SYNE2: variants seen among roughly 807,000 people sequenced by gnomAD.
The protein encoded by SYNE2 is spectrin repeat containing nuclear envelope protein 2.
A neutral mutation model predicts 856.3 loss-of-function variants in SYNE2; 431 were observed. The observed-to-expected ratio is 0.50, with a 90% CI of 0.47 to 0.55. The LOEUF is 0.55. SYNE2 is among the 20% of genes least tolerant of loss of function. SYNE2 has a pLI of 0.00. For synonymous variants in SYNE2, 2,923 were observed against 2,872.3 expected (o/e 1.02, Z -0.56); for missense variants, 8,129 against 8,023.2 (o/e 1.01, Z -0.50).
chr14:63,885,337 C>G (rs912681225), intron 1 of SYNE2, among the ~76,000 whole-genome samples: 4 of 151,852 alleles, frequency 2.6e-5, no homozygotes, highest in Non-Finnish European at 4.4e-5. Context: ...CACTGTCTCT[C>G]TGTGAAGTTG....
chr14:64,128,568 A>G lies in SYNE2; in HGVS notation c.14019+15A>G, dbSNP rs758194148. 4 of 1,507,990 alleles carry G rather than the reference A, an allele frequency of 2.7e-6. No individual in the cohort carries two copies. The South Asian group carries it at 4.5e-5, about 17-fold the overall frequency. 93.4% of individuals were successfully genotyped at this position (1,507,990 alleles called of 1,614,324 possible). ...AACAGCTTCAGGTAATCAAGTCAAA[A>G]TAATTCAGACTGACTTAACTTTGAA... On this transcript the variant is annotated intron_variant, in intron 74 of 115. Transcript: ENST00000555002.
At chr14:63,795,473 T>G (rs1042607158) in intron 1 of SYNE2, among the ~76,000 whole-genome samples, 2 of 151,918 alleles carry the variant, frequency 1.3e-5, no homozygotes. Flanking sequence ...GTCGTGTGAG[T>G]TAATACTTAA....
chr14:63,790,931 G>A (rs1276051026), intron 1 of SYNE2, among the ~76,000 whole-genome samples: 1 of 151,730 alleles, frequency 6.6e-6, no homozygotes, highest in Non-Finnish European at 1.5e-5. Context: ...AACTACCCCT[G>A]ATTCCTATGT....
chr14:63,892,762 G>T (rs1412577020), intron 1 of SYNE2, among the ~76,000 whole-genome samples: 1 of 147,804 alleles, frequency 6.8e-6, no homozygotes, highest in Non-Finnish European at 1.5e-5. Context: ...AGAGACAGGG[G>T]TCTCACTATG....
chr14:64,101,626 G>C (rs1422819549), intron 63 of SYNE2, among the ~76,000 whole-genome samples: 1 of 151,964 alleles, frequency 6.6e-6, no homozygotes, highest in African/African-American at 2.4e-5. Context: ...ACCATTTAAG[G>C]TTACATTTAC....
chr14:64,098,810 G>A lies in SYNE2; in HGVS notation c.12370G>A (p.Val4124Met), dbSNP rs370255444. ...CGAGGAAGAGGTGGAAGAAAGTTCC[G>A]TGAAGAGCGATGTAAGGGAAATGAT... The part of the protein sequence containing the change: ...AVEEEVEESS[V>M]KSDNGDEKAE... Residue 4124 changes from valine to methionine, a missense_variant, in exon 63 of 116, where the codon GTG becomes ATG. By Grantham distance (21) the Val-to-Met change is conservative. Around this residue, in one of 3 missense-constraint regions of SYNE2, gnomAD observed 5,410 missense variants for 5,284.8 expected, o/e 1.02. Transcript: ENST00000555002. 38 of 1,613,964 alleles carry A rather than the reference G, an allele frequency of 2.4e-5. No homozygotes were observed. The highest frequency in any genetic ancestry group is 1.0e-4 in the Admixed American group (6 of 59,998).
At position 64,088,211 on chromosome 14, in the gene SYNE2, C is replaced by A. The variant is rs138550231; in HGVS notation, c.11670+355C>A. Among the ~76,000 whole-genome samples the A allele has an allele frequency of 2.7e-4, 41 of 152,272 alleles. No individual in the cohort carries two copies. In the East Asian group the frequency reaches 7.1e-3, roughly 26 times the overall value. ...AATTAGAGTTATACTACTAACCAAG[C>A]ACTATACAACTAATCAATGTGAAGG... On this transcript the variant is annotated intron_variant, in intron 58 of 115. Transcript: ENST00000555002.
intron 100 of SYNE2, among the ~76,000 whole-genome samples, chr14:64,206,520 A>AT (rs2098606093): frequency 6.7e-6 from 1 of 149,584 alleles, no homozygotes; most frequent in African/African-American, 2.4e-5. Context: ...GTTTTTAAAA[A>AT]TTTTTTGAAA....
intron 52 of SYNE2, among the ~76,000 whole-genome samples, chr14:64,071,276 C>T (rs930307907): frequency 6.6e-5 from 10 of 152,036 alleles, no homozygotes; most frequent in African/African-American, 2.2e-4. Context: ...GGGCAGATCA[C>T]GAGGTCAGGA....
chr14:64,065,702 TTG>T (rs774134174), intron 51 of SYNE2, 52 bp downstream of exon 51: 1 of 1,591,830 alleles, frequency 6.3e-7, no homozygotes, highest in South Asian at 1.1e-5. Flanking sequence ...GTTATTTAAA[TTG>T]TTTTATTACT....
chr14:63,919,462 A>C (rs987359970), intron 2 of SYNE2, among the ~76,000 whole-genome samples: 10 of 152,176 alleles, frequency 6.6e-5, no homozygotes, highest in Admixed American at 1.3e-4. Flanking sequence ...AAGGTTGTTG[A>C]ATTCATGGAG....
chr14:63,920,258 A>G (rs1407753227), intron 2 of SYNE2, among the ~76,000 whole-genome samples: 1 of 151,892 alleles, frequency 6.6e-6, no homozygotes, highest in Non-Finnish European at 1.5e-5. Flanking sequence ...AAGACTTGGT[A>G]CTACGGAAGT....
At chr14:63,844,813 G>A (rs778337851) in intron 1 of SYNE2, among the ~76,000 whole-genome samples, 1 of 152,146 alleles carries the variant, frequency 6.6e-6, no homozygotes, top group African/African-American at 2.4e-5. Flanking sequence ...ATGAGGCCAA[G>A]GCGAGAGAAT....
At chr14:63,898,559 C>T (rs984858744) in intron 1 of SYNE2, among the ~76,000 whole-genome samples, 2 of 152,054 alleles carry the variant, frequency 1.3e-5, no homozygotes, top group East Asian at 1.9e-4. Flanking sequence ...CGCATGCCAC[C>T]GCACCTGGTT....
chr14:64,174,891 A>G (rs2098426570), intron 94 of SYNE2, 53 bp from the exon 95 acceptor site: 1 of 1,534,106 alleles, frequency 6.5e-7, no homozygotes, highest in Non-Finnish European at 9.0e-7. Flanking sequence ...ACACACAATC[A>G]CATTTTGAAC....
intron 61 of SYNE2, 133 bp from the exon 62 acceptor site, chr14:64,097,816 G>C (rs1213360379): frequency 2.3e-6 from 2 of 870,054 alleles, no homozygotes; most frequent in Non-Finnish European, 3.9e-6. Context: ...TACCGTACCA[G>C]AGACTAGCTT....
At chr14:64,110,167 G>T (rs984957388) in intron 65 of SYNE2, among the ~76,000 whole-genome samples, 2 of 152,184 alleles carry the variant, frequency 1.3e-5, no homozygotes, top group African/African-American at 4.8e-5. Flanking sequence ...GCAGGTATTT[G>T]TAGAATTGAC....
intron 107 of SYNE2, chr14:64,215,863 G>C: frequency 9.7e-7 from 1 of 1,033,088 alleles, no homozygotes; most frequent in South Asian, 1.7e-5. Flanking sequence ...GTCGGGGAGA[G>C]CCCTGAGGAG....
At chr14:64,027,442 G>A in intron 42 of SYNE2, 42 bp from the exon 43 acceptor site, 1 of 1,340,228 alleles carries the variant, frequency 7.5e-7, no homozygotes, top group Non-Finnish European at 1.0e-6. Flanking sequence ...AGTCCATTTT[G>A]CTAAATATCA....
Sources: allele counts gnomAD v4.1 joint callset (sites outside exome capture counted in the v4.1 genomes callset), GRCh38; gene constraint gnomAD v4.1.1; regional missense constraint gnomAD v4.1.1; transcripts MANE v1.5; gene names NCBI Gene and HGNC (gene_info 2026-07-23, HGNC 2026-07-21).